IRAG1: variants seen among roughly 807,000 people sequenced by gnomAD.
IRAG1 encodes inositol 1,4,5-triphosphate receptor associated 1.
Under a neutral mutation model 106.2 loss-of-function variants are expected in IRAG1, and 62 were observed. The ratio of observed to expected loss-of-function variants is 0.58; its 90% CI spans 0.48 to 0.72. The LOEUF is 0.72. Ranked by LOEUF, IRAG1 falls within the 30% of genes least tolerant of loss-of-function variation. The pLI is 0.00. For synonymous variants in IRAG1, 462 were observed against 443.9 expected (o/e 1.04, Z -0.51); for missense variants, 1,064 against 1,140.7 (o/e 0.93, Z 0.97).
At chr11:10,654,216 T>C (rs550321348) in intron 1 of IRAG1, among the ~76,000 whole-genome samples, 21 of 143,294 alleles carry the variant, frequency 1.5e-4, no homozygotes, top group African/African-American at 5.2e-4. Context: ...TGAGCTGCCA[T>C]CAGCCCAGCT....
chr11:10,643,427 T>C (rs1018231828), intron 2 of IRAG1, among the ~76,000 whole-genome samples: 1 of 152,188 alleles, frequency 6.6e-6, no homozygotes, highest in East Asian at 1.9e-4. Flanking sequence ...TTCCTGCCAT[T>C]GTCCATTTAT....
At chr11:10,582,585 G>A (rs1280088519) in intron 18 of IRAG1, among the ~76,000 whole-genome samples, 1 of 152,238 alleles carries the variant, frequency 6.6e-6, no homozygotes, top group Non-Finnish European at 1.5e-5. Context: ...TGTTTAGAGT[G>A]AATAGTTAGA....
At chr11:10,662,759 C>A (rs1224102005) in intron 1 of IRAG1, among the ~76,000 whole-genome samples, 1 of 152,206 alleles carries the variant, frequency 6.6e-6, no homozygotes, top group Non-Finnish European at 1.5e-5. Flanking sequence ...GCCTTTAAAC[C>A]CAGACCTGGA....
intron 18 of IRAG1, among the ~76,000 whole-genome samples, chr11:10,590,354 C>T (rs574230473): frequency 3.3e-5 from 5 of 152,168 alleles, no homozygotes; most frequent in African/African-American, 9.6e-5. Flanking sequence ...GGCAAAGAGA[C>T]GAAATGCTGG....
At chr11:10,593,913 A>C in intron 16 of IRAG1, 1 of 579,124 alleles carries the variant, frequency 1.7e-6, no homozygotes, top group Non-Finnish European at 3.1e-6. Flanking sequence ...AGCAATATGA[A>C]GGCTTATGAT....
rs148043050 is a variant in IRAG1 at position 10,689,520 on chromosome 11, C to T, written c.67+4016G>A. On this transcript the variant is annotated intron_variant, in intron 1 of 20. Transcript: ENST00000423302. ...CACCTTGGGCCACACCACACAAACC[C>T]ACCTCTGAGAGCTGAGTCTCCAAAT... Among the ~76,000 whole-genome samples the T allele has an allele frequency of 3.3e-5, 5 of 152,288 alleles. No homozygotes were observed. In the East Asian group the frequency reaches 9.6e-4, roughly 29 times the overall value.
rs190761149 is a variant in IRAG1, at chr11:10,628,803, G to A, written c.600C>T (p.Ser200=). 2.9e-3 allele frequency: 4,522 copies of A among 1,577,494 alleles called. 16 individuals carry two copies. The highest frequency in any genetic ancestry group is 8.9e-3 in the Middle Eastern group (53 of 5,978). ...TGCTCCGAGAGGATGTAGGAGAAGC[G>A]CTGGGGCTGAGGTTCGGGGAAACAG... ...PSAVSPNLSP[S]ASPTSSRSNS... The change falls in exon 6 of 21, where the codon AGC becomes AGT. Residue 200 remains serine (S), a synonymous_variant. Coordinates refer to ENST00000423302, the MANE Select transcript of IRAG1 (RefSeq NM_130385.4). This position sits in a 1 kb window ranked among gnomAD's most constrained non-coding sequence, Gnocchi z 4.1.
At chr11:10,686,978 T>G (rs1346689006) in intron 1 of IRAG1, among the ~76,000 whole-genome samples, 1 of 152,142 alleles carries the variant, frequency 6.6e-6, no homozygotes, top group African/African-American at 2.4e-5. Flanking sequence ...AAATGAAACT[T>G]CTGTGAAAAA....
chr11:10,586,028 A>G (rs1047942609), intron 18 of IRAG1: 3 of 152,040 alleles, frequency 2.0e-5, no homozygotes, highest in Non-Finnish European at 4.4e-5. Flanking sequence ...TTTCAACAGA[A>G]GTCTCTTCCT....
rs1859045419 is a variant in IRAG1 at position 10,657,883 on chromosome 11, C to A, written c.68-5701G>T. ...GAGGCCCAGAGGGGCAGGCATGTGA[C>A]CAAGGCCACATCTATGAGTGAGGGG... On this transcript the variant is annotated intron_variant, in intron 1 of 20. Transcript: ENST00000423302. This position sits in a 1 kb window ranked among gnomAD's most constrained non-coding sequence, Gnocchi z 4.1. 6.6e-6 allele frequency among the ~76,000 whole-genome samples: 1 copy of A among 152,172 alleles called. No individual in the cohort carries two copies. Among genetic ancestry groups the A allele is most frequent in the South Asian group, 2.1e-4 (1 of 4,824 alleles).
chr11:10,666,978 C>G (rs1859832283), intron 1 of IRAG1, among the ~76,000 whole-genome samples: 1 of 152,172 alleles, frequency 6.6e-6, no homozygotes, highest in South Asian at 2.1e-4. Context: ...AGGGTAGCCC[C>G]CAGGCTCCTT....
At chr11:10,581,278 A>C (rs2134089680) in intron 19 of IRAG1, among the ~76,000 whole-genome samples, 1 of 152,252 alleles carries the variant, frequency 6.6e-6, no homozygotes, top group African/African-American at 2.4e-5. Flanking sequence ...TGTCTTCCTC[A>C]TGAGCTATGG....
intron 2 of IRAG1, among the ~76,000 whole-genome samples, chr11:10,651,706 T>G (rs529381711): frequency 7.6e-4 from 116 of 152,370 alleles, no homozygotes; most frequent in African/African-American, 2.7e-3. Flanking sequence ...AGGTTCTCAG[T>G]GCTAATGGTT....
chr11:10,611,033 G>A (rs1171606262), intron 10 of IRAG1, among the ~76,000 whole-genome samples: 3 of 152,338 alleles, frequency 2.0e-5, no homozygotes, highest in South Asian at 2.1e-4. Flanking sequence ...TGGGAATCAT[G>A]TGAATAGAAA....
chr11:10,625,655 G>A (rs1368648699), intron 9 of IRAG1, among the ~76,000 whole-genome samples: 1 of 152,108 alleles, frequency 6.6e-6, no homozygotes, highest in Non-Finnish European at 1.5e-5. Flanking sequence ...GAGGAAAGCA[G>A]CCCAGGACTG....
intron 18 of IRAG1, among the ~76,000 whole-genome samples, chr11:10,584,078 G>A (rs928785245): frequency 2.0e-5 from 3 of 152,100 alleles, no homozygotes; most frequent in Non-Finnish European, 4.4e-5. Context: ...GTATCCAGAT[G>A]GCTATGCTTT....
intron 10 of IRAG1, among the ~76,000 whole-genome samples, chr11:10,610,547 A>C (rs1331414207): frequency 6.6e-6 from 1 of 152,134 alleles, no homozygotes; most frequent in African/African-American, 2.4e-5. Context: ...TGCCTCTCTA[A>C]AGCTTCTCTT....
At position 10,591,537 on chromosome 11, in the gene IRAG1, G is replaced by T; in HGVS notation, c.2240+11C>A. ...GATCCCTGAAGCCAAGAGGAAAATC[G>T]ACAAACTTACTTTTCCAAAAGTGCA... On this transcript the variant is annotated intron_variant, in intron 18 of 20. Transcript: ENST00000423302. The T allele has an allele frequency of 6.3e-7, 1 of 1,585,398 alleles. No homozygotes were observed. The highest frequency in any genetic ancestry group is 8.6e-7 in the Non-Finnish European group (1 of 1,165,386).
chr11:10,627,130 T>C (rs1189303072), intron 8 of IRAG1, among the ~76,000 whole-genome samples: 2 of 152,164 alleles, frequency 1.3e-5, no homozygotes, highest in Non-Finnish European at 2.9e-5. Context: ...ACTTTGTTCA[T>C]TCCCCAAGGG....
Sources: gnomAD v4.1 joint callset for allele counts (sites outside exome capture counted in the v4.1 genomes callset) on GRCh38, gnomAD v4.1.1 for gene constraint, Gnocchi (gnomAD v3.1) non-coding constraint, MANE v1.5 for transcripts, NCBI Gene and HGNC (gene_info 2026-07-23, HGNC 2026-07-21) for gene names.